ANKRD6: variants seen among roughly 807,000 people sequenced by gnomAD.
ANKRD6 encodes ankyrin repeat domain-containing protein 6.
ANKRD6 carries 56 observed loss-of-function variants against 82.3 expected under a neutral mutation model. The observed-to-expected ratio is 0.68, with a 90% CI of 0.55 to 0.85. The LOEUF is 0.85. Ranked by LOEUF, ANKRD6 falls within the 40% of genes least tolerant of loss-of-function variation. The pLI is 0.00. For missense variants in ANKRD6, 852 were observed against 907.6 expected, an observed-to-expected ratio of 0.94 and a Z score of 0.79; for synonymous variants, 347 against 352.1, an observed-to-expected ratio of 0.99 and a Z score of 0.16.
At chr6:89,553,411 G>A (rs1476533217) in intron 1 of ANKRD6, among the ~76,000 whole-genome samples, 4 of 152,196 alleles carry the variant, frequency 2.6e-5, no homozygotes, top group Admixed American at 6.5e-5. Context: ...GTGGGATAGC[G>A]TAGAAGAAAT....
chr6:89,535,925 G>C (rs920082805), intron 1 of ANKRD6, among the ~76,000 whole-genome samples: 2 of 152,180 alleles, frequency 1.3e-5, no homozygotes, highest in Non-Finnish European at 2.9e-5. Context: ...GTTGTCAGAG[G>C]ATTAAATGAA....
intron 1 of ANKRD6, among the ~76,000 whole-genome samples, chr6:89,476,620 A>G (rs571478357): frequency 3.9e-5 from 6 of 152,306 alleles, no homozygotes; most frequent in African/African-American, 1.4e-4. Flanking sequence ...TTAATATTGA[A>G]TATTTAATAT....
intron 4 of ANKRD6, among the ~76,000 whole-genome samples, chr6:89,604,194 G>GGC (rs1797956014): frequency 6.6e-6 from 1 of 152,156 alleles, no homozygotes; most frequent in Admixed American, 6.5e-5. Flanking sequence ...AGGGCATGGT[G>GGC]GCGCATGCCT....
At position 89,631,157 on chromosome 6, in the gene ANKRD6, C is replaced by T. The variant is rs1234935353; in HGVS notation, c.*153C>T. On this transcript the variant is annotated 3_prime_UTR_variant, in exon 16 of 16. Coordinates refer to ENST00000339746, the MANE Select transcript of ANKRD6 (RefSeq NM_001242809.2). ...CTACAATGTGCCAGATACATGTTTCCTATGCCCAGGAAGTTATGAAGACTT... is the reference window on the plus strand; with the variant it reads ...CTACAATGTGCCAGATACATGTTTCTTATGCCCAGGAAGTTATGAAGACTT... The T allele has an allele frequency of 7.5e-7, 1 of 1,325,500 alleles. No homozygotes were observed. Among genetic ancestry groups the T allele is most frequent in the Non-Finnish European group, 9.8e-7 (1 of 1,023,524 alleles). 82.1% of individuals were successfully genotyped at this position (1,325,500 alleles called of 1,614,324 possible).
Position 89,452,365 on chromosome 6 carries a change from G to GA in ANKRD6, c.-144+18996dup, listed in dbSNP as rs1337666659. The stretch of plus-strand genomic sequence containing the variant: ...ATGTAACTCCTGATGGATTTTGTAT[G>GA]AAAAAACAACATCAGAAGCTATTCG... On this transcript the variant is annotated intron_variant, in intron 1 of 15. Coordinates refer to ENST00000339746, the MANE Select transcript of ANKRD6 (RefSeq NM_001242809.2). Among the ~76,000 whole-genome samples the GA allele has an allele frequency of 2.0e-5, 3 of 152,110 alleles. No homozygotes were observed. In the East Asian group the frequency reaches 5.8e-4, roughly 29 times the overall value.
At chr6:89,435,569 C>G (rs1371564162) in intron 1 of ANKRD6, among the ~76,000 whole-genome samples, 1 of 152,158 alleles carries the variant, frequency 6.6e-6, no homozygotes, top group Non-Finnish European at 1.5e-5. Context: ...AGCCGAAAGT[C>G]TCAAAGTCGG....
intron 1 of ANKRD6, among the ~76,000 whole-genome samples, chr6:89,539,945 T>A (rs1784281647): frequency 6.6e-6 from 1 of 152,112 alleles, no homozygotes; most frequent in Non-Finnish European, 1.5e-5. Flanking sequence ...AACATGATGA[T>A]CTCCAGTTCC....
intron 1 of ANKRD6, among the ~76,000 whole-genome samples, chr6:89,479,895 ATTAAT>A (rs1162621901): frequency 6.6e-6 from 1 of 152,310 alleles, no homozygotes; most frequent in African/African-American, 2.4e-5. Flanking sequence ...TTATTAACAA[ATTAAT>A]TTGATTTATT....
At chr6:89,624,479 C>G (rs1804892904) in intron 12 of ANKRD6, 60 bp from the exon 13 acceptor site, 4 of 1,534,888 alleles carry the variant, frequency 2.6e-6, no homozygotes, top group Non-Finnish European at 2.6e-6. Context: ...GGATGGTGCT[C>G]AAAACATACC....
At chr6:89,459,369 TG>T (rs1416844090) in intron 1 of ANKRD6, among the ~76,000 whole-genome samples, 3 of 152,206 alleles carry the variant, frequency 2.0e-5, no homozygotes, top group Non-Finnish European at 4.4e-5. Context: ...TGAGCCACCA[TG>T]CCTGGCTGAA....
At chr6:89,471,359 C>CAAAAAAAAAA (rs568718441) in intron 1 of ANKRD6, among the ~76,000 whole-genome samples, 52 of 57,026 alleles carry the variant, frequency 9.1e-4, no homozygotes, top group East Asian at 1.6e-3. Flanking sequence ...ACAACAACAA[C>CAAAAAAAAAA]AAAAAAAAAA....
At chr6:89,505,237 C>A (rs753055372) in intron 1 of ANKRD6, among the ~76,000 whole-genome samples, 17 of 152,138 alleles carry the variant, frequency 1.1e-4, no homozygotes, top group Non-Finnish European at 1.6e-4. Context: ...CACTTGCTAC[C>A]CATCCTGAAG....
chr6:89,629,363 C>T (rs1382238828), intron 15 of ANKRD6, 125 bp downstream of exon 15: 3 of 1,365,592 alleles, frequency 2.2e-6, no homozygotes, highest in Non-Finnish European at 3.1e-6. Context: ...AAAGTGCACT[C>T]TGTAGGGGCA....
intron 8 of ANKRD6, among the ~76,000 whole-genome samples, chr6:89,617,631 C>G (rs886242475): frequency 6.6e-6 from 1 of 152,230 alleles, no homozygotes; most frequent in Non-Finnish European, 1.5e-5. Flanking sequence ...ACGTTCCCTC[C>G]CCTCTTTGCA....
intron 1 of ANKRD6, among the ~76,000 whole-genome samples, chr6:89,523,954 A>G (rs1782165705): frequency 6.6e-6 from 1 of 152,094 alleles, no homozygotes; most frequent in Admixed American, 6.6e-5. Flanking sequence ...ACATGTTCCT[A>G]TAATAAATTG....
intron 1 of ANKRD6, among the ~76,000 whole-genome samples, chr6:89,445,134 A>G (rs9359853): frequency 0.45 from 68,505 of 151,982 alleles, 15,774 homozygotes; most frequent in Admixed American, 0.53. Context: ...GCGTCTATCA[A>G]TACCATTTTT....
Position 89,574,772 on chromosome 6 carries a change from A to G in ANKRD6, c.120+7676A>G, listed in dbSNP as rs755850711. Among the ~76,000 whole-genome samples, 7 of 152,132 alleles carry G rather than the reference A, an allele frequency of 4.6e-5. No homozygotes were observed. The South Asian group carries it at 8.3e-4, about 18-fold the overall frequency. Reference sequence around the variant, plus strand: ...AGAAAGTGTCAAAACTGGGACTCAAACCCTGGCCATGTGGTTCGAGAGTCC... The same window carrying G: ...AGAAAGTGTCAAAACTGGGACTCAAGCCCTGGCCATGTGGTTCGAGAGTCC... On this transcript the variant is annotated intron_variant, in intron 2 of 15. Transcript: ENST00000339746.
At chr6:89,587,737 C>T (rs1462335624) in intron 2 of ANKRD6, among the ~76,000 whole-genome samples, 3 of 152,102 alleles carry the variant, frequency 2.0e-5, no homozygotes, top group African/African-American at 7.2e-5. Context: ...TGTTTTGGAT[C>T]CTGATTTGTG....
chr6:89,498,923 G>A (rs186170843), intron 1 of ANKRD6, among the ~76,000 whole-genome samples: 43 of 152,294 alleles, frequency 2.8e-4, no homozygotes, highest in Admixed American at 6.5e-4. Flanking sequence ...AGATGCTTGA[G>A]GTTGGCTTTC....
Sources: allele counts gnomAD v4.1 joint callset (sites outside exome capture counted in the v4.1 genomes callset), GRCh38; gene constraint gnomAD v4.1.1; transcripts MANE v1.5; gene names NCBI Gene and HGNC (gene_info 2026-07-23, HGNC 2026-07-21).